The following WARS2 variants were observed in gnomAD, a reference collection of about 807,000 sequenced individuals.
WARS2 encodes the protein tryptophanyl tRNA synthetase 2, mitochondrial.
WARS2 carries 28 observed loss-of-function variants against 36.5 expected under a neutral mutation model. The observed-to-expected ratio is 0.77, with a 90% CI of 0.57 to 1.05. The LOEUF (loss-of-function observed/expected upper bound fraction) is 1.05, where lower values mean the gene tolerates loss of function less well. WARS2 is among the 50% of genes least tolerant of loss of function. The pLI is 0.00. For synonymous variants in WARS2, 174 were observed against 178.4 expected, an observed-to-expected ratio of 0.98 and a Z score of 0.20; for missense variants, 435 against 456.8, an observed-to-expected ratio of 0.95 and a Z score of 0.44.
chr1:119,037,386 A>G (rs1311248468), intron 4 of WARS2, among the ~76,000 whole-genome samples: 1 of 152,172 alleles, frequency 6.6e-6, no homozygotes, highest in African/African-American at 2.4e-5. Flanking sequence ...ATCTGCTCAC[A>G]GAGATTTGTT....
chr1:119,059,853 C>T (rs1377738064), intron 2 of WARS2, among the ~76,000 whole-genome samples: 1 of 152,166 alleles, frequency 6.6e-6, no homozygotes, highest in Non-Finnish European at 1.5e-5. Flanking sequence ...CCAAATGCTG[C>T]ACGTTCTTAC....
intron 2 of WARS2, among the ~76,000 whole-genome samples, chr1:119,060,966 C>A (rs530742761): frequency 2.0e-4 from 30 of 152,120 alleles, no homozygotes; most frequent in Non-Finnish European, 3.8e-4. Context: ...CACGGGGCCA[C>A]CTCCAAGCTG....
At chr1:119,113,573 AT>A (rs1388470740) in intron 1 of WARS2, among the ~76,000 whole-genome samples, 2 of 152,156 alleles carry the variant, frequency 1.3e-5, no homozygotes, top group Non-Finnish European at 2.9e-5. Context: ...TTTAAAAAAA[AT>A]CATGGGAGTT....
At chr1:119,130,212 A>C (rs971466266) in intron 1 of WARS2, among the ~76,000 whole-genome samples, 2 of 152,152 alleles carry the variant, frequency 1.3e-5, no homozygotes, top group African/African-American at 4.8e-5. Context: ...AAGAAAGCAT[A>C]CTCTTGATTA....
intron 1 of WARS2, among the ~76,000 whole-genome samples, chr1:119,076,890 G>C (rs963208955): frequency 1.3e-5 from 2 of 151,906 alleles, no homozygotes; most frequent in Admixed American, 1.3e-4. Flanking sequence ...CTGTAATCCC[G>C]ACACTTTGGG....
intron 1 of WARS2, chr1:119,085,805 C>T: frequency 1.2e-6 from 2 of 1,608,842 alleles, no homozygotes; most frequent in Non-Finnish European, 1.7e-6. Flanking sequence ...AGATGATGTC[C>T]CCTTCAGTCA....
intron 1 of WARS2, chr1:119,085,733 C>T: frequency 1.3e-6 from 2 of 1,569,216 alleles, no homozygotes; most frequent in Middle Eastern, 2.0e-4. Flanking sequence ...CTTTGGATTT[C>T]CCAGTCTTCT....
At chr1:119,090,967 C>G (rs1653003507) in intron 1 of WARS2, among the ~76,000 whole-genome samples, 1 of 152,076 alleles carries the variant, frequency 6.6e-6, no homozygotes, top group Admixed American at 6.5e-5. Context: ...CTAAAAGAGT[C>G]TCATACTAAC....
At chr1:119,127,307 C>T (rs587616029) in intron 1 of WARS2, 123 of 520,774 alleles carry the variant, frequency 2.4e-4, no homozygotes, top group African/African-American at 2.1e-3. Context: ...TGCTCAGAGC[C>T]AAAAACTGAG....
intron 1 of WARS2, among the ~76,000 whole-genome samples, chr1:119,100,606 G>A (rs917299589): frequency 5.9e-5 from 9 of 152,162 alleles, no homozygotes; most frequent in African/African-American, 1.9e-4. Flanking sequence ...ATGCTACTCA[G>A]ACATTAGAAA....
At chr1:119,138,724 T>C (rs1000347726) in intron 1 of WARS2, among the ~76,000 whole-genome samples, 10 of 152,168 alleles carry the variant, frequency 6.6e-5, no homozygotes, top group African/African-American at 2.4e-4. Flanking sequence ...TTTCAATGAC[T>C]GAAATTATAT....
intron 1 of WARS2, among the ~76,000 whole-genome samples, chr1:119,116,213 T>C (rs1000442055): frequency 1.3e-5 from 2 of 152,076 alleles, no homozygotes; most frequent in African/African-American, 4.8e-5. Context: ...TTGTAGTTAG[T>C]AAGTGGAGTA....
chr1:119,052,532 C>T (rs1459436367), intron 2 of WARS2, among the ~76,000 whole-genome samples: 1 of 152,168 alleles, frequency 6.6e-6, no homozygotes, highest in African/African-American at 2.4e-5. Flanking sequence ...CTCTTGTTTG[C>T]CAATAAACAT....
intron 2 of WARS2, among the ~76,000 whole-genome samples, chr1:119,048,506 C>CA (rs549781376): frequency 7.2e-5 from 11 of 152,110 alleles, no homozygotes; most frequent in Non-Finnish European, 1.6e-4. Context: ...AGAGTGATCC[C>CA]GTACGCCCTT....
chr1:119,083,110 T>C (rs1303200969), intron 1 of WARS2, among the ~76,000 whole-genome samples: 1 of 152,092 alleles, frequency 6.6e-6, no homozygotes, highest in East Asian at 1.9e-4. Flanking sequence ...ATGTCTGTAA[T>C]CCCAGCTACT....
intron 2 of WARS2, among the ~76,000 whole-genome samples, chr1:119,055,414 G>A (rs2453905): frequency 0.82 from 124,817 of 152,120 alleles, 52,030 homozygotes; most frequent in African/African-American, 0.96. Context: ...GGAGTTCAAG[G>A]CCAGCCTGGC....
At chr1:119,085,628 C>T in intron 1 of WARS2, 1 of 1,442,558 alleles carries the variant, frequency 6.9e-7, no homozygotes, top group Non-Finnish European at 9.8e-7. Flanking sequence ...ACACATGATC[C>T]ACTCGGATAG....
chr1:119,098,281 A>G (rs759868110), intron 1 of WARS2, among the ~76,000 whole-genome samples: 4 of 152,042 alleles, frequency 2.6e-5, no homozygotes, highest in Non-Finnish European at 5.9e-5. Context: ...CCCCTAATAC[A>G]TTAAATTTAA....
chr1:119,138,461 T>A (rs1423209882), intron 1 of WARS2, among the ~76,000 whole-genome samples: 2 of 152,172 alleles, frequency 1.3e-5, no homozygotes, highest in African/African-American at 4.8e-5. Flanking sequence ...TTAAAAAGTG[T>A]GTGTCTTCAA....
Sources: gnomAD v4.1 joint callset for allele counts (sites outside exome capture counted in the v4.1 genomes callset) on GRCh38, gnomAD v4.1.1 for gene constraint, MANE v1.5 for transcripts, NCBI Gene and HGNC (gene_info 2026-07-23, HGNC 2026-07-21) for gene names.